RAD50: variants seen among roughly 807,000 people sequenced by gnomAD.
RAD50 encodes the protein DNA repair protein RAD50.
Under a neutral mutation model 168.8 loss-of-function variants are expected in RAD50, and 132 were observed. The ratio of observed to expected loss-of-function variants is 0.78; its 90% CI spans 0.68 to 0.90. RAD50 has a LOEUF of 0.90. RAD50 is among the 40% of genes least tolerant of loss of function. The probability of loss-of-function intolerance (pLI) is 0.00; values close to 1 mark genes in which losing one functional copy is unlikely to be tolerated. For synonymous variants in RAD50, 525 were observed against 497.4 expected, an observed-to-expected ratio of 1.06 and a Z score of -0.74; for missense variants, 1,347 against 1,534.4, an observed-to-expected ratio of 0.88 and a Z score of 2.04.
chr5:132,588,492 T>C (rs1750636793), intron 7 of RAD50, among the ~76,000 whole-genome samples, 195 bp from the exon 8 acceptor site: 1 of 152,182 alleles, frequency 6.6e-6, no homozygotes, highest in African/African-American at 2.4e-5. Flanking sequence ...TTGAATAAGA[T>C]TGATGAATTA....
chr5:132,642,527 GT>G lies in RAD50; in HGVS notation c.*166del. On this transcript the variant is annotated 3_prime_UTR_variant, in exon 25 of 25. Coordinates refer to ENST00000378823, the MANE Select transcript of RAD50 (RefSeq NM_005732.4). ...GAGAGGTTCTAAAATCATGAAACTTGTTTCACTGAAAATTGGACAGATTGCC... is the reference window on the plus strand; with the variant it reads ...GAGAGGTTCTAAAATCATGAAACTTGTTCACTGAAAATTGGACAGATTGCC... The G allele has an allele frequency of 1.4e-6, 1 of 717,182 alleles. No homozygotes were observed. Among genetic ancestry groups the G allele is most frequent in the Non-Finnish European group, 2.3e-6 (1 of 444,252 alleles). 44.4% of individuals were successfully genotyped at this position (717,182 alleles called of 1,614,324 possible). A position where few individuals can be genotyped will look rare whatever the true frequency, so the allele number is the denominator to read the frequency against.
chr5:132,584,125 A>G (rs1750553456), intron 5 of RAD50, among the ~76,000 whole-genome samples: 1 of 152,284 alleles, frequency 6.6e-6, no homozygotes, highest in African/African-American at 2.4e-5. Context: ...CAGTCCCTCC[A>G]ACAGTGTAAA....
rs1751825866 is a variant in RAD50, at chr5:132,645,253, C to T, written c.*2889C>T. 6.6e-6 allele frequency: 1 copy of T among 152,200 alleles called. No homozygotes were observed. The highest frequency in any genetic ancestry group is 2.4e-5 in the African/African-American group (1 of 41,438). 9.4% of individuals were successfully genotyped at this position (152,200 alleles called of 1,614,324 possible). ...ATCCATTGATTCTATGGCTTTTTCACAGGTTGTTTCCCTGATGCCTGTACT... is the reference window on the plus strand; with the variant it reads ...ATCCATTGATTCTATGGCTTTTTCATAGGTTGTTTCCCTGATGCCTGTACT... On this transcript the variant is annotated 3_prime_UTR_variant, in exon 25 of 25. Transcript: ENST00000378823.
At chr5:132,608,790 G>A (rs1449868472) in intron 17 of RAD50, 65 bp downstream of exon 17, 11 of 1,517,316 alleles carry the variant, frequency 7.2e-6, no homozygotes, top group Admixed American at 4.3e-5. Context: ...ATAGCACCAC[G>A]TCGGACACTT....
At chr5:132,562,339 CAAATT>C (rs1750137449) in intron 2 of RAD50, among the ~76,000 whole-genome samples, 1 of 151,978 alleles carries the variant, frequency 6.6e-6, no homozygotes, top group African/African-American at 2.4e-5. Flanking sequence ...AGGGCAGAGA[CAAATT>C]AAGAAGATTT....
At chr5:132,557,927 A>G (rs895223231) in intron 1 of RAD50, among the ~76,000 whole-genome samples, 2 of 152,220 alleles carry the variant, frequency 1.3e-5, no homozygotes, top group Non-Finnish European at 2.9e-5. Flanking sequence ...TTCAAAATGT[A>G]ACTGATGTAG....
intron 2 of RAD50, 124 bp from the exon 3 acceptor site, chr5:132,575,652 CA>C: frequency 1.2e-6 from 1 of 859,184 alleles, no homozygotes; most frequent in Non-Finnish European, 1.9e-6. Context: ...GTAAAAATAT[CA>C]CTCATTTTGG....
At position 132,642,424 on chromosome 5, in the gene RAD50, A is replaced by C; in HGVS notation, c.*60A>C. 3 of 1,425,728 alleles carry C rather than the reference A, an allele frequency of 2.1e-6. No homozygotes were observed. The highest frequency in any genetic ancestry group is 2.9e-6 in the Non-Finnish European group (3 of 1,022,168). 88.3% of individuals were successfully genotyped at this position (1,425,728 alleles called of 1,614,324 possible). A position where few individuals can be genotyped will look rare whatever the true frequency, so the allele number is the denominator to read the frequency against. The stretch of plus-strand genomic sequence containing the variant: ...GTCCTCAGAAAGTGTATAATAAGAA[A>C]CTTATTTCTCATATCAACTTAGTCA... On this transcript the variant is annotated 3_prime_UTR_variant, in exon 25 of 25. Coordinates refer to ENST00000378823, the MANE Select transcript of RAD50 (RefSeq NM_005732.4).
intron 21 of RAD50, among the ~76,000 whole-genome samples, chr5:132,620,858 T>C (rs1751272954): frequency 1.3e-5 from 2 of 152,148 alleles, no homozygotes; most frequent in Non-Finnish European, 2.9e-5. Context: ...TAAAGTAAAC[T>C]GGAGACAAGA....
intron 23 of RAD50, among the ~76,000 whole-genome samples, 177 bp from the exon 24 acceptor site, chr5:132,640,495 G>A (rs974255646): frequency 6.6e-6 from 1 of 152,174 alleles, no homozygotes; most frequent in African/African-American, 2.4e-5. Flanking sequence ...TTCTCCTTCT[G>A]GAGGACATAA....
Position 132,603,361 on chromosome 5 carries a change from G to A in RAD50, c.2269G>A (p.Val757Ile), listed in dbSNP as rs1581000991. Residue 757 changes from valine (V) to isoleucine (I), a missense_variant, in exon 14 of 25, where the codon GTC (valine) becomes ATC (isoleucine). Physicochemically the swap from Val to Ile is conservative, Grantham distance 29. Transcript: ENST00000378823. Reference protein sequence around the residue: ...IPELRNKLQNVNRDIQRLKND... With the variant: ...IPELRNKLQNINRDIQRLKND... The stretch of plus-strand genomic sequence containing the variant: ...AGAATTAAGAAACAAACTGCAGAAT[G>A]TCAATAGAGACATACAGCGCCTAAA... The A allele has an allele frequency of 6.2e-7, 1 of 1,613,782 alleles. No homozygotes were observed.
intron 2 of RAD50, among the ~76,000 whole-genome samples, chr5:132,560,073 CACACAT>C (rs925684245): frequency 4.7e-5 from 7 of 149,228 alleles, no homozygotes; most frequent in African/African-American, 1.8e-4. Flanking sequence ...CACACACACA[CACACAT>C]ATATATATAG....
In RAD50 at chr5:132,626,177, T is replaced by C. The variant is rs568697810; in HGVS notation, c.3389+7883T>C. Reference sequence around the variant, plus strand: ...GCCACCGCGCCCGAGAGGAACCACATTTTCTTTATCCATTTATCTGTTGAT... The same window carrying C: ...GCCACCGCGCCCGAGAGGAACCACACTTTCTTTATCCATTTATCTGTTGAT... On this transcript the variant is annotated intron_variant, in intron 21 of 24. Transcript: ENST00000378823. Among the ~76,000 whole-genome samples the C allele has an allele frequency of 1.8e-3, 267 of 152,284 alleles. 1 individual carries two copies. The highest frequency in any genetic ancestry group is 6.2e-3 in the African/African-American group (257 of 41,554).
chr5:132,580,651 TGAGTATACCTTC>T (rs1191676367), intron 5 of RAD50, among the ~76,000 whole-genome samples: 2 of 152,182 alleles, frequency 1.3e-5, no homozygotes, highest in African/African-American at 4.8e-5. Flanking sequence ...TATTTGCAAA[TGAGTATACCTTC>T]CTCAACCCGG....
chr5:132,561,030 A>G (rs901696288), intron 2 of RAD50, among the ~76,000 whole-genome samples: 1 of 152,224 alleles, frequency 6.6e-6, no homozygotes, highest in African/African-American at 2.4e-5. Flanking sequence ...TGCCAGATAG[A>G]GTGGTCAGTT....
intron 2 of RAD50, among the ~76,000 whole-genome samples, chr5:132,570,158 C>G (rs1037736136): frequency 6.6e-6 from 1 of 152,142 alleles, no homozygotes; most frequent in Non-Finnish European, 1.5e-5. Context: ...AGTCCAAAAT[C>G]CGTTAGGTGT....
Position 132,557,296 on chromosome 5 carries a change from C to T in RAD50, c.-29C>T. The T allele has an allele frequency of 6.2e-7, 1 of 1,613,424 alleles. No individual in the cohort carries two copies. The highest frequency in any genetic ancestry group is 8.5e-7 in the Non-Finnish European group (1 of 1,179,318). On this transcript the variant is annotated 5_prime_UTR_variant, in exon 1 of 25. Transcript: ENST00000378823. Reference sequence around the variant, plus strand: ...AGTTAAGCCTTTGTGGGCTCCAGGTCCCTGGTGAGATTAGAAACGTTTGCA... The same window carrying T: ...AGTTAAGCCTTTGTGGGCTCCAGGTTCCTGGTGAGATTAGAAACGTTTGCA...
At chr5:132,628,779 G>A (rs1048995309) in intron 21 of RAD50, among the ~76,000 whole-genome samples, 2 of 152,092 alleles carry the variant, frequency 1.3e-5, no homozygotes, top group Admixed American at 6.5e-5. Context: ...CCCGGGAGGC[G>A]GAGGTTGCAG....
At chr5:132,565,889 A>G (rs553581903) in intron 2 of RAD50, among the ~76,000 whole-genome samples, 12 of 152,188 alleles carry the variant, frequency 7.9e-5, no homozygotes, top group Admixed American at 7.8e-4. Context: ...AACTCTGTCT[A>G]TGCCAAGCTG....
Sources: gnomAD v4.1 joint callset for allele counts (sites outside exome capture counted in the v4.1 genomes callset) on GRCh38, gnomAD v4.1.1 for gene constraint, MANE v1.5 for transcripts, NCBI Gene and HGNC (gene_info 2026-07-23, HGNC 2026-07-21) for gene names.